The following PAN3 variants were observed in gnomAD, a reference collection of about 807,000 sequenced individuals.
PAN3 encodes the protein PAN2-PAN3 deadenylation complex subunit PAN3.
Under a neutral mutation model 96.2 loss-of-function variants are expected in PAN3, and 19 were observed. The observed-to-expected ratio is 0.20, with a 90% CI of 0.14 to 0.29. The LOEUF is 0.29. PAN3 is among the 10% of genes least tolerant of loss of function. The pLI is 1.00. For synonymous variants in PAN3, 433 were observed against 406.6 expected (o/e 1.06, Z -0.78); for missense variants, 882 against 1,108.1 (o/e 0.80, Z 2.90).
At chr13:28,211,088 A>G (rs73158103) in intron 5 of PAN3, among the ~76,000 whole-genome samples, 16,095 of 151,136 alleles carry the variant, frequency 0.11, 1,080 homozygotes, top group Middle Eastern at 0.2. Context: ...TTTTGTAGAG[A>G]GAGTGTCTCT....
chr13:28,173,188 C>T (rs1464853669), intron 1 of PAN3, among the ~76,000 whole-genome samples: 2 of 152,150 alleles, frequency 1.3e-5, no homozygotes, highest in African/African-American at 4.8e-5. Context: ...GAGCACATAG[C>T]TCAAAGTGGG....
chr13:28,247,066 T>A (rs1884265008), intron 6 of PAN3, among the ~76,000 whole-genome samples: 1 of 152,122 alleles, frequency 6.6e-6, no homozygotes, highest in South Asian at 2.1e-4. Context: ...CCTTTTTCCA[T>A]ATCCTCACCA....
chr13:28,170,407 C>T (rs915885706), intron 1 of PAN3, among the ~76,000 whole-genome samples: 2 of 152,116 alleles, frequency 1.3e-5, no homozygotes, highest in Admixed American at 1.3e-4. Context: ...GTGGACCTTG[C>T]TTTCGAGGAA....
At chr13:28,172,222 G>A (rs1282831005) in intron 1 of PAN3, among the ~76,000 whole-genome samples, 1 of 152,154 alleles carries the variant, frequency 6.6e-6, no homozygotes, top group Non-Finnish European at 1.5e-5. Flanking sequence ...TTGGGAGGCC[G>A]AGGCGGGTGG....
At chr13:28,174,857 A>G (rs143029674) in intron 2 of PAN3, among the ~76,000 whole-genome samples, 17 of 149,530 alleles carry the variant, frequency 1.1e-4, no homozygotes, top group East Asian at 3.9e-4. Context: ...TTCTTTGCAT[A>G]TAGAAGCATA....
chr13:28,263,643 G>T (rs1483046265), intron 9 of PAN3, among the ~76,000 whole-genome samples: 2 of 152,098 alleles, frequency 1.3e-5, no homozygotes, highest in Non-Finnish European at 2.9e-5. Flanking sequence ...ACAAAAAATG[G>T]TTTTCTATAT....
chr13:28,214,742 C>G (rs1304083814), intron 5 of PAN3: 1 of 529,834 alleles, frequency 1.9e-6, no homozygotes, highest in Admixed American at 2.6e-5. Context: ...TGATATCTCC[C>G]TGTAGAAACT....
chr13:28,167,104 T>A (rs1246517381), intron 1 of PAN3, among the ~76,000 whole-genome samples: 2 of 149,664 alleles, frequency 1.3e-5, no homozygotes, highest in African/African-American at 2.5e-5. Context: ...TTTTTTTTTT[T>A]AGAGATGAGG....
chr13:28,214,103 T>C (rs1238632117), intron 5 of PAN3, among the ~76,000 whole-genome samples: 1 of 151,876 alleles, frequency 6.6e-6, no homozygotes, highest in Non-Finnish European at 1.5e-5. Flanking sequence ...GAAAAAAAAA[T>C]AAAAAATCAC....
intron 5 of PAN3, among the ~76,000 whole-genome samples, chr13:28,203,624 T>C (rs556771661): frequency 6.6e-6 from 1 of 152,088 alleles, no homozygotes; most frequent in Non-Finnish European, 1.5e-5. Context: ...TTTCTGTATT[T>C]AAAAAAATTA....
At chr13:28,188,227 T>C (rs1876743684) in intron 4 of PAN3, among the ~76,000 whole-genome samples, 1 of 146,862 alleles carries the variant, frequency 6.8e-6, no homozygotes, top group Non-Finnish European at 1.5e-5. Context: ...ATTTATTATA[T>C]ATTTATTTCA....
At chr13:28,289,072 C>T (rs1220453874) in intron 18 of PAN3, among the ~76,000 whole-genome samples, 6 of 151,472 alleles carry the variant, frequency 4.0e-5, no homozygotes, top group Non-Finnish European at 7.4e-5. Flanking sequence ...GTGATCCACC[C>T]GCCTCAGCCT....
chr13:28,187,334 T>TA (rs1412562830), intron 4 of PAN3, among the ~76,000 whole-genome samples: 1 of 152,032 alleles, frequency 6.6e-6, no homozygotes, highest in Non-Finnish European at 1.5e-5. Context: ...CTCAAAAAAA[T>TA]ACAACAATTT....
At chr13:28,266,693 A>G (rs769079835) in intron 9 of PAN3, 22 bp from the exon 10 acceptor site, 3 of 1,512,388 alleles carry the variant, frequency 2.0e-6, no homozygotes, top group South Asian at 1.3e-5. Context: ...TTTTCAAGTC[A>G]TCTTCTTATG....
rs1282704678 is a variant in PAN3, at chr13:28,176,570, A to G, written c.619+11A>G. The stretch of plus-strand genomic sequence containing the variant: ...CATATTCAGCCCATGGTAAGACCTG[A>G]TCCCTTTTGCTTATGTGTGTCTGTG... On this transcript the variant is annotated intron_variant, in intron 3 of 18. Coordinates refer to ENST00000380958, the MANE Select transcript of PAN3 (RefSeq NM_175854.8). 6.2e-7 allele frequency: 1 copy of G among 1,611,112 alleles called. No homozygotes were observed. The highest frequency in any genetic ancestry group is 8.5e-7 in the Non-Finnish European group (1 of 1,177,324).
chr13:28,211,267 T>C (rs1879995051), intron 5 of PAN3, among the ~76,000 whole-genome samples: 1 of 152,288 alleles, frequency 6.6e-6, no homozygotes, highest in Middle Eastern at 3.4e-3. Context: ...CCACCCTGTC[T>C]TTCTTTCTCA....
rs186663087 is a variant in PAN3 at position 28,168,994 on chromosome 13, C to T, written c.431-5278C>T. Among the ~76,000 whole-genome samples the T allele has an allele frequency of 6.7e-3, 1,013 of 150,146 alleles. 8 individuals are homozygous for T. The highest frequency in any genetic ancestry group is 0.024 in the African/African-American group (967 of 40,804). Reference sequence around the variant, plus strand: ...GATCACGCCACTACTCCAGCCTGGGCGACAGAGCGAGACTCCGTCTCAAAA... The same window carrying T: ...GATCACGCCACTACTCCAGCCTGGGTGACAGAGCGAGACTCCGTCTCAAAA... On this transcript the variant is annotated intron_variant, in intron 1 of 18. Transcript: ENST00000380958.
chr13:28,262,367 A>G (rs1425565481), intron 9 of PAN3, among the ~76,000 whole-genome samples: 2 of 152,218 alleles, frequency 1.3e-5, no homozygotes, highest in Non-Finnish European at 2.9e-5. Flanking sequence ...TACAGTAGGA[A>G]TACATTTGCC....
chr13:28,233,102 A>C (rs1193401716), intron 6 of PAN3, among the ~76,000 whole-genome samples: 1 of 152,110 alleles, frequency 6.6e-6, no homozygotes, highest in Admixed American at 6.5e-5. Context: ...TGAAAGGCAA[A>C]TGTATTGGTA....
Sources: gnomAD v4.1 joint callset for allele counts (sites outside exome capture counted in the v4.1 genomes callset) on GRCh38, gnomAD v4.1.1 for gene constraint, MANE v1.5 for transcripts, NCBI Gene and HGNC (gene_info 2026-07-23, HGNC 2026-07-21) for gene names.